Variants in GABRB1 observed in about 807,000 individuals in gnomAD.
GABRB1 encodes gamma-aminobutyric acid receptor subunit beta-1.
A neutral mutation model predicts 51.6 loss-of-function variants in GABRB1; 17 were observed. The ratio of observed to expected loss-of-function variants is 0.33; its 90% CI spans 0.23 to 0.49. GABRB1 has a LOEUF of 0.49. Ranked by LOEUF, GABRB1 falls within the 20% of genes least tolerant of loss-of-function variation. The pLI, the probability that GABRB1 is intolerant of heterozygous loss-of-function variation, is 0.99. For missense variants in GABRB1, 410 were observed against 600.6 expected, an observed-to-expected ratio of 0.68 and a Z score of 3.32; for synonymous variants, 247 against 218.9, an observed-to-expected ratio of 1.13 and a Z score of -1.14.
chr4:47,284,850 C>A (rs1364978393), intron 4 of GABRB1, among the ~76,000 whole-genome samples: 1 of 152,002 alleles, frequency 6.6e-6, no homozygotes, highest in African/African-American at 2.4e-5. Flanking sequence ...AACTTAAATC[C>A]TATAATGAAG....
At position 47,426,048 on chromosome 4, in the gene GABRB1, C is replaced by T. The variant is rs1729282992; in HGVS notation, c.*30C>T. The T allele has an allele frequency of 6.7e-7, 1 of 1,483,708 alleles. No individual in the cohort carries two copies. The highest frequency in any genetic ancestry group is 9.1e-7 in the Non-Finnish European group (1 of 1,102,652). 91.9% of individuals were successfully genotyped at this position (1,483,708 alleles called of 1,614,324 possible). ...TGTTCTAATGGTTCCATTTAGACTA[C>T]TTTCCTCTTCTATTGTTTTTTAACC... On this transcript the variant is annotated 3_prime_UTR_variant, in exon 9 of 9. Coordinates refer to ENST00000295454, the MANE Select transcript of GABRB1 (RefSeq NM_000812.4).
intron 3 of GABRB1, among the ~76,000 whole-genome samples, chr4:47,096,491 C>T (rs1341981206): frequency 6.6e-6 from 1 of 152,122 alleles, no homozygotes; most frequent in Non-Finnish European, 1.5e-5. Context: ...CAGAATAATG[C>T]CTCCCATCCT....
At chr4:47,066,071 G>A (rs1727067717) in intron 3 of GABRB1, among the ~76,000 whole-genome samples, 1 of 152,060 alleles carries the variant, frequency 6.6e-6, no homozygotes, top group African/African-American at 2.4e-5. Context: ...AAAGCCATAC[G>A]AACAATTGCT....
In GABRB1 at chr4:47,371,996, T is replaced by C. The variant is rs181581036; in HGVS notation, c.545-31322T>C. Among the ~76,000 whole-genome samples the C allele has an allele frequency of 2.2e-3, 328 of 152,324 alleles. 5 individuals carry two copies. Among genetic ancestry groups the C allele is most frequent in the Non-Finnish European group, 2.5e-3 (169 of 68,034 alleles). The stretch of plus-strand genomic sequence containing the variant: ...GTTGCAATTGCTTTTGGTGTTTTTA[T>C]TGTGAAATCTTTGCCTGTGCTTATG... On this transcript the variant is annotated intron_variant, in intron 5 of 8. Transcript: ENST00000295454.
chr4:47,352,876 T>C (rs1469697419), intron 5 of GABRB1, among the ~76,000 whole-genome samples: 1 of 152,212 alleles, frequency 6.6e-6, no homozygotes, highest in African/African-American at 2.4e-5. Context: ...CTAGATCCAT[T>C]TTCTTTCCAG....
chr4:47,359,734 TAAAAATTTCAGAC>T (rs1361797844), intron 5 of GABRB1, among the ~76,000 whole-genome samples: 1 of 152,128 alleles, frequency 6.6e-6, no homozygotes, highest in Admixed American at 6.6e-5. Context: ...TTCACTGTAT[TAAAAATTTCAGAC>T]AAAACCCTGC....
At chr4:47,399,614 T>TG (rs1305200850) in intron 5 of GABRB1, among the ~76,000 whole-genome samples, 1 of 152,222 alleles carries the variant, frequency 6.6e-6, no homozygotes, top group Non-Finnish European at 1.5e-5. Context: ...TTGATCTGTT[T>TG]GATTAGAGTC....
intron 3 of GABRB1, among the ~76,000 whole-genome samples, chr4:47,117,821 G>A (rs901983800): frequency 6.6e-6 from 1 of 152,138 alleles, no homozygotes; most frequent in African/African-American, 2.4e-5. Flanking sequence ...GTGTGATAAG[G>A]AAAAATGTAC....
chr4:47,248,552 A>G (rs534562812), intron 4 of GABRB1, among the ~76,000 whole-genome samples: 19 of 152,038 alleles, frequency 1.2e-4, no homozygotes, highest in Admixed American at 2.0e-4. Flanking sequence ...TTCTTTCTCT[A>G]TCTTGTGGAA....
At chr4:47,119,764 C>T (rs745510839) in intron 3 of GABRB1, among the ~76,000 whole-genome samples, 7 of 152,192 alleles carry the variant, frequency 4.6e-5, no homozygotes, top group Middle Eastern at 3.4e-3. Flanking sequence ...CCACCTCGGC[C>T]TCCCAAAGTG....
chr4:47,080,799 G>A (rs185764106), intron 3 of GABRB1, among the ~76,000 whole-genome samples: 95 of 152,282 alleles, frequency 6.2e-4, no homozygotes, highest in African/African-American at 2.3e-3. Flanking sequence ...CAGTTCTGTG[G>A]GGAAGATGTT....
chr4:47,224,911 T>C (rs1433507144), intron 4 of GABRB1, among the ~76,000 whole-genome samples: 2 of 152,178 alleles, frequency 1.3e-5, no homozygotes, highest in Admixed American at 1.3e-4. Context: ...TTTTTGTTTT[T>C]GAGACAGAGT....
chr4:47,288,509 G>C (rs576596967), intron 4 of GABRB1, among the ~76,000 whole-genome samples: 1 of 151,908 alleles, frequency 6.6e-6, no homozygotes, highest in Non-Finnish European at 1.5e-5. Flanking sequence ...TGATCCGCCC[G>C]CCTCAGCCTC....
At chr4:47,303,800 CTGAT>C (rs1560324371) in intron 4 of GABRB1, among the ~76,000 whole-genome samples, 1 of 151,938 alleles carries the variant, frequency 6.6e-6, no homozygotes, top group Non-Finnish European at 1.5e-5. Context: ...ACTAGAGTGA[CTGAT>C]TATCTCTCTA....
chr4:47,073,564 G>A (rs1047519816), intron 3 of GABRB1, among the ~76,000 whole-genome samples: 1 of 152,116 alleles, frequency 6.6e-6, no homozygotes, highest in African/African-American at 2.4e-5. Context: ...AACACTTCAG[G>A]ATGACTCAAA....
Position 47,299,433 on chromosome 4 carries a change from A to G in GABRB1, c.462-20694A>G, listed in dbSNP as rs565730096. 6.6e-5 allele frequency among the ~76,000 whole-genome samples: 10 copies of G among 152,344 alleles called. No homozygotes were observed. In the East Asian group the frequency reaches 1.9e-3, roughly 29 times the overall value. ...CCCCATCAAAAAGTGGGCGAAGGAC[A>G]TGAACAGACACTTCTCAAAAGAAGA... On this transcript the variant is annotated intron_variant, in intron 4 of 8. Transcript: ENST00000295454.
chr4:47,217,300 C>A (rs1720592110), intron 4 of GABRB1, among the ~76,000 whole-genome samples: 2 of 151,736 alleles, frequency 1.3e-5, no homozygotes. Context: ...TTATATTATT[C>A]TCTGTACTTT....
intron 4 of GABRB1, among the ~76,000 whole-genome samples, chr4:47,202,062 G>T (rs75674926): frequency 0.018 from 2,798 of 152,212 alleles, 80 homozygotes; most frequent in African/African-American, 0.062. Flanking sequence ...GTTAGGCCTT[G>T]TGTCCCCACC....
chr4:47,347,307 T>A (rs930268874), intron 5 of GABRB1, among the ~76,000 whole-genome samples: 2 of 151,582 alleles, frequency 1.3e-5, no homozygotes, highest in African/African-American at 4.8e-5. Flanking sequence ...TAATAATTAA[T>A]AATAATAATA....
Sources: allele counts gnomAD v4.1 joint callset (sites outside exome capture counted in the v4.1 genomes callset), GRCh38; gene constraint gnomAD v4.1.1; transcripts MANE v1.5; gene names NCBI Gene and HGNC (gene_info 2026-07-23, HGNC 2026-07-21).